Variants in VASH1 observed in about 807,000 individuals in gnomAD.
VASH1 encodes tubulinyl-Tyr carboxypeptidase 1.
VASH1 carries 16 observed loss-of-function variants against 35.0 expected under a neutral mutation model. That is an observed-to-expected ratio of 0.46 (90% CI 0.31 to 0.70). VASH1 has a LOEUF of 0.70. Ranked by LOEUF, VASH1 falls within the 30% of genes least tolerant of loss-of-function variation. The probability of loss-of-function intolerance (pLI) is 0.05; values close to 1 mark genes in which losing one functional copy is unlikely to be tolerated. For missense variants in VASH1, 505 were observed against 510.7 expected (o/e 0.99, Z 0.11); for synonymous variants, 214 against 200.9 (o/e 1.07, Z -0.55).
rs1893932158 is a variant in VASH1 at position 76,776,107 on chromosome 14, G to A, written c.746G>A (p.Arg249His). The A allele has an allele frequency of 3.7e-6, 6 of 1,608,948 alleles. No homozygotes were observed. Among genetic ancestry groups the A allele is most frequent in the Non-Finnish European group, 5.1e-6 (6 of 1,179,556 alleles). The change falls in exon 5 of 7, where the codon CGC becomes CAC. Residue 249 changes from arginine (R) to histidine (H), a missense_variant. Transcript: ENST00000167106. ...LVLDFEAAYG[R>H]CWHVLKKVKL... ...CTGGACTTCGAGGCCGCCTACGGCCGCTGCTGGCACGTGCTCAAGAAGGTG... is the reference window on the plus strand; with the variant it reads ...CTGGACTTCGAGGCCGCCTACGGCCACTGCTGGCACGTGCTCAAGAAGGTG...
At chr14:76,767,714 G>A (rs768223323) in intron 1 of VASH1, among the ~76,000 whole-genome samples, 3 of 152,222 alleles carry the variant, frequency 2.0e-5, no homozygotes, top group Non-Finnish European at 4.4e-5. Flanking sequence ...TTGAGTGAAC[G>A]AGTCTATGTA....
In VASH1 at chr14:76,770,048, T is replaced by G. The variant is rs775568083; in HGVS notation, c.395T>G (p.Leu132Arg). 6.2e-7 allele frequency: 1 copy of G among 1,613,430 alleles called. No homozygotes were observed. The highest frequency in any genetic ancestry group is 1.1e-5 in the South Asian group (1 of 91,030). Residue 132 changes from leucine (L) to arginine (R), a missense_variant, in exon 2 of 7, where the codon CTG (leucine) becomes CGG (arginine). By Grantham distance (102) the Leu-to-Arg change is moderately radical. Transcript: ENST00000167106. ...LEAVQRYIRE[L>R]QYNHTGTQFF... ...GCTGTGCAGCGCTACATCAGAGAGCTGCAGTATCCTCTCTGGTCAAGGGTC... is the reference window on the plus strand; with the variant it reads ...GCTGTGCAGCGCTACATCAGAGAGCGGCAGTATCCTCTCTGGTCAAGGGTC...
Position 76,782,806 on chromosome 14 carries a change from T to G in VASH1, c.*3788T>G, listed in dbSNP as rs1182045826. ...CAAGAGAGAAGAAACATGGGTGTGC[T>G]TGGCCCACAGGGCCTGGTGGTGATG... On this transcript the variant is annotated 3_prime_UTR_variant, in exon 7 of 7. Transcript: ENST00000167106. 6.5e-6 allele frequency: 1 copy of G among 152,824 alleles called. No homozygotes were observed. Among genetic ancestry groups the G allele is most frequent in the Non-Finnish European group, 1.5e-5 (1 of 68,152 alleles). The allele number at this position is 152,824 out of a possible 1,614,324, so 9.5% of individuals were successfully genotyped here.
intron 1 of VASH1, among the ~76,000 whole-genome samples, chr14:76,766,318 C>A (rs572089987): frequency 6.6e-6 from 1 of 152,312 alleles, no homozygotes; most frequent in Non-Finnish European, 1.5e-5. Context: ...AGCTTAGTGG[C>A]CACTGACCCC....
chr14:76,767,224 G>A (rs1893664011), intron 1 of VASH1, among the ~76,000 whole-genome samples: 1 of 150,154 alleles, frequency 6.7e-6, no homozygotes, highest in South Asian at 2.1e-4. Flanking sequence ...CAGCCTGGGC[G>A]ACAGGGTGAA....
At chr14:76,772,099 G>A (rs1019757087) in intron 3 of VASH1, among the ~76,000 whole-genome samples, 1 of 152,124 alleles carries the variant, frequency 6.6e-6, no homozygotes, top group African/African-American at 2.4e-5. Context: ...AATTAGCTGG[G>A]CGTGGTGGTG....
chr14:76,769,842 G>A, intron 1 of VASH1, 121 bp from the exon 2 acceptor site: 6 of 952,594 alleles, frequency 6.3e-6, no homozygotes, highest in Non-Finnish European at 9.8e-6. Context: ...TCAAGTGGGA[G>A]GGAGGGGAGG....
chr14:76,763,579 T>G (rs889325220), intron 1 of VASH1, among the ~76,000 whole-genome samples: 9 of 152,200 alleles, frequency 5.9e-5, no homozygotes, highest in African/African-American at 2.2e-4. Context: ...TAAGTACAGT[T>G]TGGATTCCCA....
intron 3 of VASH1, among the ~76,000 whole-genome samples, chr14:76,772,575 A>G (rs1248971258): frequency 6.6e-6 from 1 of 152,232 alleles, no homozygotes; most frequent in Non-Finnish European, 1.5e-5. Flanking sequence ...AGGCTGTCTT[A>G]AAATGGCCTG....
At chr14:76,775,801 T>C (rs1471021461) in intron 4 of VASH1, 91 bp from the exon 5 acceptor site, 1 of 1,463,348 alleles carries the variant, frequency 6.8e-7, no homozygotes, top group South Asian at 1.4e-5. Flanking sequence ...AGGCTGGCGG[T>C]GCGTGGACCC....
chr14:76,778,883 C>A, intron 6 of VASH1, 63 bp from the exon 7 acceptor site: 2 of 1,552,602 alleles, frequency 1.3e-6, no homozygotes, highest in South Asian at 2.2e-5. Flanking sequence ...CTGCTGGCTC[C>A]CCAACTCCAT....
rs931647306 is a variant in VASH1 at position 76,776,205 on chromosome 14, G to T, written c.844G>T (p.Val282Leu). The change falls in exon 5 of 7, where the codon GTG (valine) becomes TTG (leucine). Residue 282 changes from valine (V) to leucine (L), a missense_variant. Coordinates refer to ENST00000167106, the MANE Select transcript of VASH1 (RefSeq NM_014909.5). ...QIEWKHSVLDVERLGRDDFRK... is the reference protein window; with the variant it reads ...QIEWKHSVLDLERLGRDDFRK... The stretch of plus-strand genomic sequence containing the variant: ...CGAGTGGAAGCACTCGGTGCTGGAC[G>T]TGGAGCGCCTGGGCCGCGATGACTT... The T allele has an allele frequency of 1.9e-6, 3 of 1,609,912 alleles. No homozygotes were observed. The highest frequency in any genetic ancestry group is 2.7e-5 in the African/African-American group (2 of 74,912).
At chr14:76,778,586 A>T (rs1263358709) in intron 6 of VASH1, among the ~76,000 whole-genome samples, 2 of 152,216 alleles carry the variant, frequency 1.3e-5, no homozygotes, top group Non-Finnish European at 2.9e-5. Context: ...GGGGTGGGGT[A>T]CTAAGCAGGC....
rs919138260 is a variant in VASH1, at chr14:76,780,773, G to A, written c.*1755G>A. ...AAAAAAAACTTAAAAACCCAATACT[G>A]GCAAAAGAGGATGCCAGTTTGCAAT... is the stretch of plus-strand genomic sequence containing the variant. On this transcript the variant is annotated 3_prime_UTR_variant, in exon 7 of 7. Coordinates refer to ENST00000167106, the MANE Select transcript of VASH1 (RefSeq NM_014909.5). 1 of 152,220 alleles carries A rather than the reference G, an allele frequency of 6.6e-6. No homozygotes were observed. The highest frequency in any genetic ancestry group is 2.4e-5 in the African/African-American group (1 of 41,448). The allele number at this position is 152,220 out of a possible 1,614,324, so 9.4% of individuals were successfully genotyped here. A position where few individuals can be genotyped will look rare whatever the true frequency, so the allele number is the denominator to read the frequency against.
intron 3 of VASH1, among the ~76,000 whole-genome samples, chr14:76,772,428 G>A (rs1261642814): frequency 6.6e-6 from 1 of 152,152 alleles, no homozygotes; most frequent in Non-Finnish European, 1.5e-5. Flanking sequence ...GCTTTTGTTG[G>A]CCTGTGGCTG....
intron 4 of VASH1, 69 bp from the exon 5 acceptor site, chr14:76,775,823 G>A (rs536778185): frequency 1.3e-6 from 2 of 1,481,488 alleles, no homozygotes; most frequent in African/African-American, 2.8e-5. Flanking sequence ...GTGGCTCCCG[G>A]TCCCAGTCCC....
intron 5 of VASH1, among the ~76,000 whole-genome samples, chr14:76,776,953 C>T (rs550646296): frequency 1.3e-5 from 2 of 152,152 alleles, no homozygotes; most frequent in Admixed American, 6.5e-5. Flanking sequence ...CTCCCAAGTG[C>T]ACTGCTTCTC....
Position 76,761,810 on chromosome 14 carries a change from G to C in VASH1, c.-1012G>C, listed in dbSNP as rs1482275908. On this transcript the variant is annotated 5_prime_UTR_variant, in exon 1 of 7. Transcript: ENST00000167106. ...GCCACGGAGCATCCTCCGCCCGCCC[G>C]GGCCGCGCCACCGCCCATGCTGCAG... is the stretch of plus-strand genomic sequence containing the variant. Among the ~76,000 whole-genome samples the C allele has an allele frequency of 6.6e-6, 1 of 151,800 alleles. No individual in the cohort carries two copies. Among genetic ancestry groups the C allele is most frequent in the Non-Finnish European group, 1.5e-5 (1 of 67,886 alleles).
At chr14:76,769,247 G>C in intron 1 of VASH1, 3 of 1,262,704 alleles carry the variant, frequency 2.4e-6, no homozygotes, top group Non-Finnish European at 3.1e-6. Context: ...TGCGTTCTGG[G>C]GAGGAAGACT....
Sources: allele counts gnomAD v4.1 joint callset (sites outside exome capture counted in the v4.1 genomes callset), GRCh38; gene constraint gnomAD v4.1.1; transcripts MANE v1.5; gene names NCBI Gene and HGNC (gene_info 2026-07-23, HGNC 2026-07-21).